MYO3A: variants seen among roughly 807,000 people sequenced by gnomAD.
The protein encoded by MYO3A is myosin IIIA.
MYO3A carries 180 observed loss-of-function variants against 192.7 expected under a neutral mutation model. The observed-to-expected ratio is 0.93, with a 90% confidence interval of 0.83 to 1.06. MYO3A has a LOEUF of 1.06. Among genes scored for constraint, MYO3A ranks in the 50% least tolerant of loss-of-function variants. The pLI is 0.00. For synonymous variants in MYO3A, 628 were observed against 645.3 expected, an observed-to-expected ratio of 0.97 and a Z score of 0.41; for missense variants, 1,896 against 1,905.0, an observed-to-expected ratio of 1.00 and a Z score of 0.09.
intron 4 of MYO3A, among the ~76,000 whole-genome samples, chr10:25,977,059 GAAAAGTATATTTTGC>G (rs1264751268): frequency 1.3e-5 from 2 of 152,082 alleles, no homozygotes; most frequent in African/African-American, 4.8e-5. Context: ...GCTGGTTGAA[GAAAAGTATATTTTGC>G]AAAAGACCAT....
At chr10:26,194,562 C>G (rs1843313360) in intron 32 of MYO3A, among the ~76,000 whole-genome samples, 1 of 152,158 alleles carries the variant, frequency 6.6e-6, no homozygotes, top group African/African-American at 2.4e-5. Flanking sequence ...TGTTGAAACC[C>G]AGAGAATCAG....
intron 4 of MYO3A, among the ~76,000 whole-genome samples, chr10:25,979,906 G>A (rs1022898159): frequency 6.6e-6 from 1 of 152,066 alleles, no homozygotes; most frequent in Admixed American, 6.5e-5. Context: ...AGTGTCCGCT[G>A]GTTATAAAAT....
At chr10:25,950,629 G>A (rs1003821836) in intron 2 of MYO3A, among the ~76,000 whole-genome samples, 3 of 152,034 alleles carry the variant, frequency 2.0e-5, no homozygotes, top group Non-Finnish European at 2.9e-5. Flanking sequence ...AGAATATGAT[G>A]GAAAAAGGGA....
intron 20 of MYO3A, among the ~76,000 whole-genome samples, chr10:26,136,009 C>T (rs1839828258): frequency 6.7e-6 from 1 of 150,064 alleles, no homozygotes. Flanking sequence ...TCTTTCTGAT[C>T]TTTAAATTCT....
chr10:26,007,119 G>A lies in MYO3A; in HGVS notation c.509-9701G>A, dbSNP rs1175246175. 1.3e-4 allele frequency among the ~76,000 whole-genome samples: 20 copies of A among 148,388 alleles called. No homozygotes were observed. In the East Asian group the frequency reaches 2.1e-3, roughly 16 times the overall value. ...CGTAATCCAGCATATCAACAGAACC[G>A]AAGACAAAAACCACATGATTATCTC... is the stretch of plus-strand genomic sequence containing the variant. On this transcript the variant is annotated intron_variant, in intron 6 of 34. Transcript: ENST00000642920.
At chr10:25,947,378 C>CTTTTCT (rs1836912996) in intron 2 of MYO3A, among the ~76,000 whole-genome samples, 7 of 132,278 alleles carry the variant, frequency 5.3e-5, no homozygotes, top group African/African-American at 2.0e-4. Context: ...GGTATTATTT[C>CTTTTCT]TTTTCTTTTT....
chr10:25,979,423 A>C (rs565078642), intron 4 of MYO3A, among the ~76,000 whole-genome samples: 2 of 151,660 alleles, frequency 1.3e-5, no homozygotes, highest in African/African-American at 4.9e-5. Context: ...AAAAAAAAAA[A>C]AAGAAAACAG....
chr10:25,990,639 C>G (rs1839959787), intron 4 of MYO3A, among the ~76,000 whole-genome samples: 1 of 150,058 alleles, frequency 6.7e-6, no homozygotes, highest in Non-Finnish European at 1.5e-5. Context: ...TTAGGTATAT[C>G]TCCTAAGGCT....
intron 4 of MYO3A, among the ~76,000 whole-genome samples, chr10:25,986,662 A>G (rs756798394): frequency 6.6e-6 from 1 of 152,218 alleles, no homozygotes; most frequent in Non-Finnish European, 1.5e-5. Context: ...CAAGGATGTG[A>G]AAGACCTCTT....
At chr10:26,080,600 C>A (rs35311015) in intron 14 of MYO3A, among the ~76,000 whole-genome samples, 1 of 46,450 alleles carries the variant, frequency 2.2e-5, no homozygotes, top group Admixed American at 2.9e-4. Context: ...TGGGGGGAGG[C>A]GGGGCGGGGG....
chr10:26,009,273 T>G (rs1841459346), intron 6 of MYO3A, among the ~76,000 whole-genome samples: 1 of 152,080 alleles, frequency 6.6e-6, no homozygotes, highest in Non-Finnish European at 1.5e-5. Context: ...ATATACCTAA[T>G]GCTAAATGAT....
intron 10 of MYO3A, among the ~76,000 whole-genome samples, chr10:26,042,021 C>A (rs1039554590): frequency 2.0e-5 from 3 of 146,608 alleles, no homozygotes; most frequent in African/African-American, 7.4e-5. Context: ...TTGATAAAAT[C>A]CCTAATTTTG....
chr10:26,165,005 T>A (rs1467635413), intron 26 of MYO3A, among the ~76,000 whole-genome samples: 1 of 152,150 alleles, frequency 6.6e-6, no homozygotes, highest in Admixed American at 6.5e-5. Context: ...AAAGTTATGG[T>A]CACTTCATTC....
chr10:26,083,707 T>C (rs1836120483), intron 14 of MYO3A, among the ~76,000 whole-genome samples: 2 of 152,194 alleles, frequency 1.3e-5, no homozygotes, highest in African/African-American at 4.8e-5. Context: ...CAAGAAAAGA[T>C]GTTGTGGTAT....
intron 2 of MYO3A, among the ~76,000 whole-genome samples, chr10:25,936,510 T>TC (rs1836074244): frequency 6.6e-6 from 1 of 152,194 alleles, no homozygotes; most frequent in Non-Finnish European, 1.5e-5. Flanking sequence ...ATAATTTGAA[T>TC]GATTGTACCT....
intron 6 of MYO3A, among the ~76,000 whole-genome samples, chr10:26,011,643 A>T (rs1177352908): frequency 6.6e-6 from 1 of 152,210 alleles, no homozygotes; most frequent in African/African-American, 2.4e-5. Context: ...CAACAAAAAA[A>T]GTCCAGGACC....
chr10:25,954,734 A>G (rs1837427003), intron 3 of MYO3A, 140 bp from the exon 4 acceptor site: 3 of 789,894 alleles, frequency 3.8e-6, no homozygotes, highest in Non-Finnish European at 6.1e-6. Flanking sequence ...ATGAGAAATT[A>G]CAATACATAA....
At chr10:26,081,106 C>T (rs1048900010) in intron 14 of MYO3A, among the ~76,000 whole-genome samples, 1 of 144,292 alleles carries the variant, frequency 6.9e-6, no homozygotes, top group Non-Finnish European at 1.5e-5. Context: ...TGGGTGGGGC[C>T]CTAGAATTCC....
intron 4 of MYO3A, among the ~76,000 whole-genome samples, chr10:25,955,763 A>G (rs1837498003): frequency 6.6e-6 from 1 of 152,206 alleles, no homozygotes; most frequent in African/African-American, 2.4e-5. Context: ...GAGACAGTAG[A>G]TACCTTTATT....
Sources: allele counts gnomAD v4.1 joint callset (sites outside exome capture counted in the v4.1 genomes callset), GRCh38; gene constraint gnomAD v4.1.1; transcripts MANE v1.5; gene names NCBI Gene and HGNC (gene_info 2026-07-23, HGNC 2026-07-21).